Variants in ARHGAP15 observed in about 807,000 individuals in gnomAD.
The protein encoded by ARHGAP15 is rho GTPase-activating protein 15.
A neutral mutation model predicts 63.7 loss-of-function variants in ARHGAP15; 51 were observed. The ratio of observed to expected loss-of-function variants is 0.80; its 90% CI spans 0.64 to 1.01. ARHGAP15 has a LOEUF of 1.01. Ranked by LOEUF, ARHGAP15 falls within the 50% of genes least tolerant of loss-of-function variation. ARHGAP15 has a pLI of 0.00. For synonymous variants in ARHGAP15, 191 were observed against 193.8 expected (o/e 0.99, Z 0.12); for missense variants, 560 against 564.6 (o/e 0.99, Z 0.08).
chr2:143,248,022 A>G (rs898367941), intron 5 of ARHGAP15, among the ~76,000 whole-genome samples: 1 of 152,218 alleles, frequency 6.6e-6, no homozygotes, highest in African/African-American at 2.4e-5. Flanking sequence ...ACATTGGGAA[A>G]AACAGTAGAG....
chr2:143,683,442 A>AT, intron 12 of ARHGAP15, among the ~76,000 whole-genome samples: 1 of 152,244 alleles, frequency 6.6e-6, no homozygotes, highest in South Asian at 2.1e-4. Context: ...TTGAAAAAAA[A>AT]ACATATTGGG....
chr2:143,753,103 C>T (rs942073755), intron 13 of ARHGAP15, among the ~76,000 whole-genome samples: 2 of 152,170 alleles, frequency 1.3e-5, no homozygotes, highest in African/African-American at 4.8e-5. Flanking sequence ...TATGATTGTG[C>T]CACTGCACTC....
chr2:143,258,407 G>A (rs1680533658), intron 6 of ARHGAP15, among the ~76,000 whole-genome samples: 1 of 152,026 alleles, frequency 6.6e-6, no homozygotes, highest in South Asian at 2.1e-4. Context: ...GGCTTGAAAT[G>A]CACAGAAAAA....
chr2:143,466,239 C>T (rs1691204245), intron 8 of ARHGAP15, among the ~76,000 whole-genome samples: 1 of 151,850 alleles, frequency 6.6e-6, no homozygotes, highest in Non-Finnish European at 1.5e-5. Context: ...ATTATTTGGG[C>T]CAAACAATAC....
intron 11 of ARHGAP15, among the ~76,000 whole-genome samples, chr2:143,605,904 C>T (rs376479542): frequency 5.6e-5 from 8 of 143,968 alleles, no homozygotes; most frequent in East Asian, 2.0e-4. Flanking sequence ...GGCATAGCGG[C>T]GTTTGCCTGT....
intron 10 of ARHGAP15, among the ~76,000 whole-genome samples, chr2:143,550,138 AAG>A (rs1258075333): frequency 6.6e-6 from 1 of 152,232 alleles, no homozygotes; most frequent in Non-Finnish European, 1.5e-5. Context: ...TATAAGTTTA[AAG>A]AGAAATTTTT....
At chr2:143,451,669 A>G (rs991319231) in intron 8 of ARHGAP15, among the ~76,000 whole-genome samples, 2 of 151,928 alleles carry the variant, frequency 1.3e-5, no homozygotes, top group African/African-American at 4.8e-5. Flanking sequence ...AAAAAATACA[A>G]ATTTCTCTAG....
intron 13 of ARHGAP15, among the ~76,000 whole-genome samples, chr2:143,719,633 C>G (rs750616047): frequency 1.3e-5 from 2 of 152,168 alleles, no homozygotes; most frequent in Non-Finnish European, 2.9e-5. Flanking sequence ...GAAGGGAATT[C>G]CATTCTCTCT....
chr2:143,364,216 AAAACATTC>A (rs1222720705), intron 6 of ARHGAP15, among the ~76,000 whole-genome samples: 2 of 151,838 alleles, frequency 1.3e-5, no homozygotes, highest in South Asian at 2.1e-4. Context: ...AAAAAAAAAA[AAAACATTC>A]AATCATCCAT....
intron 10 of ARHGAP15, chr2:143,533,193 G>C (rs1694594726): frequency 6.6e-6 from 1 of 152,172 alleles, no homozygotes; most frequent in Non-Finnish European, 1.5e-5. Flanking sequence ...GTTGAATGTT[G>C]AAAGACAGTA....
At chr2:143,639,738 T>C (rs1680517219) in intron 12 of ARHGAP15, among the ~76,000 whole-genome samples, 2 of 152,092 alleles carry the variant, frequency 1.3e-5, no homozygotes, top group South Asian at 4.1e-4. Context: ...TCATCCCTCA[T>C]GTCATGTGCC....
At chr2:143,680,341 A>G (rs535280815) in intron 12 of ARHGAP15, among the ~76,000 whole-genome samples, 5 of 152,384 alleles carry the variant, frequency 3.3e-5, no homozygotes, top group Non-Finnish European at 7.3e-5. Flanking sequence ...AATAATGTGG[A>G]AAACTTGCAG....
At chr2:143,540,333 A>G (rs190934909) in intron 10 of ARHGAP15, among the ~76,000 whole-genome samples, 59 of 152,174 alleles carry the variant, frequency 3.9e-4, no homozygotes, top group African/African-American at 1.2e-3. Flanking sequence ...TCTTTATCCA[A>G]TTTGCCAGTC....
At chr2:143,648,571 GGTT>G (rs1681007232) in intron 12 of ARHGAP15, 1 of 151,782 alleles carries the variant, frequency 6.6e-6, no homozygotes, top group Admixed American at 6.6e-5. Context: ...GGCTATTTTG[GGTT>G]TTTCCTTCCC....
At chr2:143,602,664 G>A (rs890402787) in intron 11 of ARHGAP15, among the ~76,000 whole-genome samples, 3 of 151,990 alleles carry the variant, frequency 2.0e-5, no homozygotes, top group Admixed American at 2.0e-4. Flanking sequence ...AAGGAAGGGA[G>A]GGAGGAAGAA....
intron 6 of ARHGAP15, among the ~76,000 whole-genome samples, chr2:143,388,210 TA>T (rs1332732625): frequency 6.6e-6 from 1 of 152,198 alleles, no homozygotes; most frequent in East Asian, 1.9e-4. Flanking sequence ...AATTAAATAT[TA>T]CATGAACTTA....
chr2:143,320,432 A>G (rs1334427864), intron 6 of ARHGAP15, among the ~76,000 whole-genome samples: 2 of 44,742 alleles, frequency 4.5e-5, no homozygotes, highest in African/African-American at 1.6e-4. Context: ...CAGAGATCCT[A>G]TGATAAACAT....
intron 9 of ARHGAP15, among the ~76,000 whole-genome samples, chr2:143,497,236 T>C (rs2104923807): frequency 6.6e-6 from 1 of 152,282 alleles, no homozygotes; most frequent in Middle Eastern, 3.4e-3. Context: ...GCACCAAAGT[T>C]GATGTGCTCT....
chr2:143,352,929 A>T (rs548771004), intron 6 of ARHGAP15, among the ~76,000 whole-genome samples: 1 of 152,212 alleles, frequency 6.6e-6, no homozygotes, highest in Non-Finnish European at 1.5e-5. Flanking sequence ...GTTCCATTGC[A>T]TCATCATTAT....
Sources: allele counts gnomAD v4.1 joint callset (sites outside exome capture counted in the v4.1 genomes callset), GRCh38; gene constraint gnomAD v4.1.1; transcripts MANE v1.5; gene names NCBI Gene and HGNC (gene_info 2026-07-23, HGNC 2026-07-21).